SMARCAD1: variants seen among roughly 807,000 people sequenced by gnomAD.
The protein encoded by SMARCAD1 is SNF2 related chromatin remodeling ATPase with DExD box 1, also known as SWI/SNF-related matrix-associated actin-dependent regulator of chromatin subfamily A containing DEAD/H box 1.
Under a neutral mutation model 127.1 loss-of-function variants are expected in SMARCAD1, and 25 were observed. The observed-to-expected ratio is 0.20, with a 90% CI of 0.14 to 0.27. SMARCAD1 has a LOEUF of 0.27. SMARCAD1 is among the 10% of genes least tolerant of loss of function. The pLI is 1.00. For synonymous variants in SMARCAD1, 400 were observed against 396.9 expected, an observed-to-expected ratio of 1.01 and a Z score of -0.09; for missense variants, 807 against 1,206.0, an observed-to-expected ratio of 0.67 and a Z score of 4.90.
chr4:94,271,948 C>A (rs1752589592), intron 11 of SMARCAD1, among the ~76,000 whole-genome samples: 1 of 152,168 alleles, frequency 6.6e-6, no homozygotes, highest in African/African-American at 2.4e-5. Context: ...ATGGCTTAGT[C>A]AGCTAGCATT....
intron 2 of SMARCAD1, 81 bp from the exon 3 acceptor site, chr4:94,226,038 A>C: frequency 8.6e-7 from 1 of 1,168,568 alleles, no homozygotes; most frequent in Non-Finnish European, 1.2e-6. Context: ...GAAATTTGAG[A>C]TTTTAGCACA....
At chr4:94,281,872 GCAACAA>G (rs34933276) in intron 21 of SMARCAD1, among the ~76,000 whole-genome samples, 10 of 147,894 alleles carry the variant, frequency 6.8e-5, no homozygotes, top group Non-Finnish European at 1.0e-4. Context: ...AACACCAATA[GCAACAA>G]CAACAACAAC....
At chr4:94,214,079 T>C (rs1273475881) in intron 2 of SMARCAD1, among the ~76,000 whole-genome samples, 1 of 152,076 alleles carries the variant, frequency 6.6e-6, no homozygotes, top group East Asian at 1.9e-4. Flanking sequence ...TCAAGTTGAG[T>C]GGGGACTGAT....
At chr4:94,235,872 T>C (rs1746576353) in intron 4 of SMARCAD1, among the ~76,000 whole-genome samples, 1 of 152,080 alleles carries the variant, frequency 6.6e-6, no homozygotes, top group Non-Finnish European at 1.5e-5. Context: ...ATTGGAAAAA[T>C]AAGATTGATA....
At chr4:94,268,691 C>G (rs1165853715) in intron 10 of SMARCAD1, among the ~76,000 whole-genome samples, 2 of 152,150 alleles carry the variant, frequency 1.3e-5, no homozygotes, top group Admixed American at 1.3e-4. Context: ...ATTTGGTTAG[C>G]TACATGACCT....
At chr4:94,218,906 G>A (rs1743638839) in intron 2 of SMARCAD1, among the ~76,000 whole-genome samples, 1 of 152,060 alleles carries the variant, frequency 6.6e-6, no homozygotes, top group Non-Finnish European at 1.5e-5. Context: ...CTGTCTCCTG[G>A]GTTCAAGCAA....
intron 2 of SMARCAD1, among the ~76,000 whole-genome samples, chr4:94,220,086 G>A (rs1301908616): frequency 6.6e-6 from 1 of 152,168 alleles, no homozygotes; most frequent in Admixed American, 6.5e-5. Flanking sequence ...CGTCATTGCA[G>A]CAGGAATATC....
At chr4:94,233,336 T>C (rs1746137885) in intron 3 of SMARCAD1, among the ~76,000 whole-genome samples, 1 of 152,102 alleles carries the variant, frequency 6.6e-6, no homozygotes, top group African/African-American at 2.4e-5. Flanking sequence ...AATAAATGAG[T>C]AAAATTTGAC....
In SMARCAD1 at chr4:94,211,706, T is replaced by C. The variant is rs117312717; in HGVS notation, c.190+3122T>C. The stretch of plus-strand genomic sequence containing the variant: ...GTTACTGTGCCACCACCACATTGTT[T>C]CTTGAATCTTTCAAGCAAGGTCCCA... On this transcript the variant is annotated intron_variant, in intron 2 of 23. Transcript: ENST00000354268. Among the ~76,000 whole-genome samples, 158 of 152,308 alleles carry C rather than the reference T, an allele frequency of 1.0e-3. 2 individuals are homozygous for C. The East Asian group carries it at 0.03, about 29-fold the overall frequency.
At chr4:94,208,200 C>T (rs773871444) in intron 1 of SMARCAD1, 130 bp downstream of exon 1, 10 of 714,530 alleles carry the variant, frequency 1.4e-5, no homozygotes, top group Non-Finnish European at 2.0e-5. Flanking sequence ...CTAATTGTTG[C>T]GGCCTAACAA....
At chr4:94,214,271 T>TG (rs1742776706) in intron 2 of SMARCAD1, among the ~76,000 whole-genome samples, 1 of 150,912 alleles carries the variant, frequency 6.6e-6, no homozygotes, top group African/African-American at 2.4e-5. Context: ...TTTTGTTTTT[T>TG]TTTTTTTTTT....
intron 12 of SMARCAD1, 48 bp downstream of exon 12, chr4:94,273,764 T>C (rs762533205): frequency 3.5e-6 from 5 of 1,443,824 alleles, no homozygotes; most frequent in African/African-American, 1.4e-5. Context: ...ATGTTTTATA[T>C]AGGTAGAAGA....
chr4:94,259,044 C>T (rs1750556203), intron 9 of SMARCAD1, among the ~76,000 whole-genome samples: 2 of 152,294 alleles, frequency 1.3e-5, no homozygotes, highest in Middle Eastern at 3.4e-3. Context: ...GGCTTATGGG[C>T]ACATTACCCA....
At chr4:94,288,997 G>A (rs959358552) in intron 23 of SMARCAD1, among the ~76,000 whole-genome samples, 1 of 152,094 alleles carries the variant, frequency 6.6e-6, no homozygotes, top group Non-Finnish European at 1.5e-5. Flanking sequence ...TCATCAGCTG[G>A]TATGCTGTGC....
At chr4:94,266,533 G>A (rs1751756516) in intron 10 of SMARCAD1, among the ~76,000 whole-genome samples, 1 of 151,934 alleles carries the variant, frequency 6.6e-6, no homozygotes, top group Admixed American at 6.6e-5. Flanking sequence ...TGCACTTTTA[G>A]GGGTTAGAAT....
intron 11 of SMARCAD1, among the ~76,000 whole-genome samples, chr4:94,271,518 C>T (rs1045095416): frequency 3.9e-5 from 6 of 152,032 alleles, no homozygotes; most frequent in Non-Finnish European, 7.4e-5. Context: ...TGTTGGATTC[C>T]TAAAATAAAA....
intron 9 of SMARCAD1, among the ~76,000 whole-genome samples, chr4:94,256,359 G>A (rs981465411): frequency 6.6e-6 from 1 of 151,676 alleles, no homozygotes; most frequent in African/African-American, 2.4e-5. Context: ...TTCTTTTTTG[G>A]TTTTTGTTTT....
chr4:94,250,123 C>A (rs1749061663), intron 7 of SMARCAD1, among the ~76,000 whole-genome samples: 1 of 151,560 alleles, frequency 6.6e-6, no homozygotes, highest in Non-Finnish European at 1.5e-5. Context: ...AAAAAGTATT[C>A]CATTTCAGTG....
At chr4:94,213,188 T>C (rs1396747944) in intron 2 of SMARCAD1, 1 of 1,045,322 alleles carries the variant, frequency 9.6e-7, no homozygotes, top group South Asian at 1.4e-5. Context: ...TATGGTGTGA[T>C]AAAACCATAT....
Sources: gnomAD v4.1 joint callset for allele counts (sites outside exome capture counted in the v4.1 genomes callset) on GRCh38, gnomAD v4.1.1 for gene constraint, MANE v1.5 for transcripts, NCBI Gene and HGNC (gene_info 2026-07-23, HGNC 2026-07-21) for gene names.